Variants in GBE1 observed in about 807,000 individuals in gnomAD.
GBE1 encodes 1,4-alpha-glucan branching enzyme 1.
A neutral mutation model predicts 88.8 loss-of-function variants in GBE1; 70 were observed. The observed-to-expected ratio is 0.79, with a 90% CI of 0.65 to 0.96. GBE1 has a LOEUF of 0.96. Ranked by LOEUF, GBE1 falls within the 40% of genes least tolerant of loss-of-function variation. The pLI, the probability that GBE1 is intolerant of heterozygous loss-of-function variation, is 0.00. For missense variants in GBE1, 872 were observed against 871.0 expected (o/e 1.00, Z -0.01); for synonymous variants, 284 against 300.1 (o/e 0.95, Z 0.56).
intron 3 of GBE1, among the ~76,000 whole-genome samples, chr3:81,668,282 G>A (rs560195971): frequency 8.0e-4 from 122 of 152,146 alleles, no homozygotes; most frequent in African/African-American, 2.8e-3. Context: ...CATGGCACAC[G>A]TATATCTATG....
At chr3:81,512,077 G>C (rs1702733054) in intron 14 of GBE1, among the ~76,000 whole-genome samples, 1 of 151,928 alleles carries the variant, frequency 6.6e-6, no homozygotes, top group South Asian at 2.1e-4. Flanking sequence ...ATTATCTTAA[G>C]TGAATTAACA....
chr3:81,551,569 T>C (rs1173115504), intron 12 of GBE1, among the ~76,000 whole-genome samples: 2 of 152,160 alleles, frequency 1.3e-5, no homozygotes, highest in African/African-American at 4.8e-5. Flanking sequence ...TTTCCTCTCA[T>C]CTACCTATGA....
intron 2 of GBE1, among the ~76,000 whole-genome samples, chr3:81,699,059 TA>T (rs770330942): frequency 5.3e-5 from 8 of 152,132 alleles, no homozygotes; most frequent in Admixed American, 1.3e-4. Flanking sequence ...TTAACAAACC[TA>T]AAGCCTTGTG....
Position 81,577,995 on chromosome 3 carries a change from T to A in GBE1, c.1548A>T (p.Gly516=). ...LTPFTPVIDR[G]IQLHKMIRLI... ...GTCGAATCATTTTATGAAGCTGTATTCCACGATCAATAACTGGAGTAAAAG... is the reference window on the plus strand; with the variant it reads ...GTCGAATCATTTTATGAAGCTGTATACCACGATCAATAACTGGAGTAAAAG... Residue 516 remains glycine (G), a synonymous_variant, in exon 12 of 16, where the codon GGA becomes GGT. Coordinates refer to ENST00000429644, the MANE Select transcript of GBE1 (RefSeq NM_000158.4). 6.2e-7 allele frequency: 1 copy of A among 1,610,028 alleles called. No homozygotes were observed. The highest frequency in any genetic ancestry group is 8.5e-7 in the Non-Finnish European group (1 of 1,178,436).
chr3:81,610,199 C>G (rs890729788), intron 7 of GBE1, among the ~76,000 whole-genome samples: 1 of 152,130 alleles, frequency 6.6e-6, no homozygotes, highest in African/African-American at 2.4e-5. Flanking sequence ...AGAGCAATAG[C>G]AGTACTAAGT....
intron 6 of GBE1, among the ~76,000 whole-genome samples, chr3:81,644,438 G>A (rs1055507508): frequency 6.6e-6 from 1 of 152,134 alleles, no homozygotes; most frequent in Non-Finnish European, 1.5e-5. Flanking sequence ...AGGTGCAGGG[G>A]ACTGGGGCAG....
At chr3:81,543,064 C>T (rs1443324713) in intron 12 of GBE1, among the ~76,000 whole-genome samples, 1 of 151,828 alleles carries the variant, frequency 6.6e-6, no homozygotes, top group Non-Finnish European at 1.5e-5. Flanking sequence ...ACTTTAAGAG[C>T]ATCTCAAGAA....
chr3:81,754,933 T>C (rs1351507722), intron 1 of GBE1, among the ~76,000 whole-genome samples: 3 of 152,058 alleles, frequency 2.0e-5, no homozygotes, highest in African/African-American at 7.2e-5. Context: ...AGATTTCTTG[T>C]GTAAGACCTT....
chr3:81,645,149 A>G (rs1704746139), intron 6 of GBE1, among the ~76,000 whole-genome samples: 1 of 152,200 alleles, frequency 6.6e-6, no homozygotes, highest in Non-Finnish European at 1.5e-5. Context: ...CATATAGCAT[A>G]TATTTAAGCT....
intron 1 of GBE1, among the ~76,000 whole-genome samples, chr3:81,714,234 C>A (rs1371085140): frequency 6.6e-6 from 1 of 152,044 alleles, no homozygotes; most frequent in Admixed American, 6.6e-5. Context: ...TAGTGAGCAC[C>A]AATTATCCAT....
At chr3:81,693,642 G>A (rs896873245) in intron 2 of GBE1, among the ~76,000 whole-genome samples, 1 of 152,104 alleles carries the variant, frequency 6.6e-6, no homozygotes, top group African/African-American at 2.4e-5. Flanking sequence ...TTAAGGGAAG[G>A]AAAGCAGGGG....
chr3:81,599,576 A>G (rs905968233), intron 7 of GBE1, among the ~76,000 whole-genome samples: 1 of 152,176 alleles, frequency 6.6e-6, no homozygotes, highest in Non-Finnish European at 1.5e-5. Flanking sequence ...TTGTAATGCA[A>G]GGGTAAGTAT....
At chr3:81,495,670 T>G (rs896567595) in intron 15 of GBE1, among the ~76,000 whole-genome samples, 2 of 152,190 alleles carry the variant, frequency 1.3e-5, no homozygotes, top group African/African-American at 4.8e-5. Context: ...CTAACTTGTA[T>G]ACATTAAAAA....
At chr3:81,520,686 G>A (rs1410868350) in intron 14 of GBE1, among the ~76,000 whole-genome samples, 2 of 151,486 alleles carry the variant, frequency 1.3e-5, no homozygotes, top group Admixed American at 1.3e-4. Flanking sequence ...ATCTTTCTAA[G>A]CATGAAATAT....
At chr3:81,582,341 T>C (rs915613121) in intron 10 of GBE1, among the ~76,000 whole-genome samples, 3 of 152,036 alleles carry the variant, frequency 2.0e-5, no homozygotes, top group Non-Finnish European at 4.4e-5. Context: ...GCTTTGAGGA[T>C]AGAGGAAGGA....
At chr3:81,628,742 C>CAT (rs71108330) in intron 7 of GBE1, among the ~76,000 whole-genome samples, 6,410 of 64,438 alleles carry the variant, frequency 0.099, 573 homozygotes, top group Admixed American at 0.1. Context: ...AGAACAATTG[C>CAT]ATATATATAT....
intron 7 of GBE1, among the ~76,000 whole-genome samples, chr3:81,600,235 T>G (rs1286726286): frequency 1.3e-5 from 2 of 152,022 alleles, no homozygotes; most frequent in Non-Finnish European, 2.9e-5. Context: ...CACTCCAGCC[T>G]GGTGACAGAG....
intron 2 of GBE1, among the ~76,000 whole-genome samples, chr3:81,686,631 C>T (rs1238232712): frequency 6.6e-6 from 1 of 152,056 alleles, no homozygotes; most frequent in East Asian, 1.9e-4. Context: ...TGGCGTATGC[C>T]TGTAATCCCA....
chr3:81,581,153 A>T lies in GBE1; in HGVS notation c.1446+12T>A. 1.3e-6 allele frequency: 2 copies of T among 1,498,724 alleles called. No individual in the cohort carries two copies. Among genetic ancestry groups the T allele is most frequent in the Non-Finnish European group, 1.8e-6 (2 of 1,081,358 alleles). The allele number at this position is 1,498,724 out of a possible 1,614,324, so 92.8% of individuals were successfully genotyped here. ...GAGAGAAATAAATGAATTTATGCAC[A>T]TATTCATTTACCTGATCATGGCTCT... On this transcript the variant is annotated intron_variant, in intron 11 of 15. Transcript: ENST00000429644.
Sources: allele counts gnomAD v4.1 joint callset (sites outside exome capture counted in the v4.1 genomes callset), GRCh38; gene constraint gnomAD v4.1.1; transcripts MANE v1.5; gene names NCBI Gene and HGNC (gene_info 2026-07-23, HGNC 2026-07-21).